Variants in SNX31 observed in about 807,000 individuals in gnomAD.
The protein encoded by SNX31 is sorting nexin 31.
A neutral mutation model predicts 65.4 loss-of-function variants in SNX31; 58 were observed. The ratio of observed to expected loss-of-function variants is 0.89; its 90% CI spans 0.72 to 1.10. The LOEUF is 1.10. Ranked by LOEUF, SNX31 falls within the 50% of genes least tolerant of loss-of-function variation. The probability of loss-of-function intolerance (pLI) is 0.00; values close to 1 mark genes in which losing one functional copy is unlikely to be tolerated. For synonymous variants in SNX31, 181 were observed against 190.1 expected, an observed-to-expected ratio of 0.95 and a Z score of 0.39; for missense variants, 523 against 529.7, an observed-to-expected ratio of 0.99 and a Z score of 0.12.
At position 100,588,820 on chromosome 8, in the gene SNX31, A is replaced by G; in HGVS notation, c.1092+46T>C. 1 of 1,417,772 alleles carries G rather than the reference A, an allele frequency of 7.1e-7. No homozygotes were observed. Among genetic ancestry groups the G allele is most frequent in the Non-Finnish European group, 1.0e-6 (1 of 1,004,368 alleles). 87.8% of individuals were successfully genotyped at this position (1,417,772 alleles called of 1,614,324 possible). ...CTTCATCCACCCCAGCAAGCAAGAC[A>G]GCATTTCAGCACAGAGGGTGTTCAA... On this transcript the variant is annotated intron_variant, in intron 11 of 13. Coordinates refer to ENST00000311812, the MANE Select transcript of SNX31 (RefSeq NM_152628.4). The surrounding 1 kb of genome is among the most constrained non-coding windows in gnomAD (Gnocchi z 4.8).
Position 100,611,983 on chromosome 8 carries a change from T to C in SNX31, c.611+17A>G, listed in dbSNP as rs763438918. 6.2e-7 allele frequency: 1 copy of C among 1,606,968 alleles called. No homozygotes were observed. Among genetic ancestry groups the C allele is most frequent in the Non-Finnish European group, 8.5e-7 (1 of 1,173,628 alleles). ...AAGTGTCGTCAAACGCCTCTGTCAC[T>C]TTCAGAACCTACTTACCACTTTCGG... is the stretch of plus-strand genomic sequence containing the variant. On this transcript the variant is annotated intron_variant, in intron 7 of 13. Coordinates refer to ENST00000311812, the MANE Select transcript of SNX31 (RefSeq NM_152628.4).
rs142568508 is a variant in SNX31 at position 100,600,431 on chromosome 8, T to C, written c.692A>G (p.Asp231Gly). ...VDLLYMQAIQ[D>G]IEKGWAKPTQ... ...GGGTTTGGCCCATCCTTTTTCAATG[T>C]CCTGTATTGCCTTAAAATAACATAA... Residue 231 changes from aspartate to glycine, a missense_variant, in exon 9 of 14, where the codon GAC becomes GGC. Asp to Gly is a moderately conservative substitution (Grantham distance 94). Transcript: ENST00000311812. 1.2e-5 allele frequency: 19 copies of C among 1,611,790 alleles called. No individual in the cohort carries two copies. The South Asian group carries it at 2.0e-4, about 17-fold the overall frequency.
At position 100,630,513 on chromosome 8, in the gene SNX31, T is replaced by C; in HGVS notation, c.257-122A>G. On this transcript the variant is annotated intron_variant, in intron 3 of 13. Transcript: ENST00000311812. This position sits in a 1 kb window ranked among gnomAD's most constrained non-coding sequence, Gnocchi z 5.3. ...GTGCTCTGTCTCCTCCCTGAAGTGA[T>C]AAATGTTGAAACCTCTCAAATACAG... The C allele has an allele frequency of 2.6e-6, 2 of 777,110 alleles. No individual in the cohort carries two copies. Among genetic ancestry groups the C allele is most frequent in the Non-Finnish European group, 4.0e-6 (2 of 495,746 alleles). The allele number at this position is 777,110 out of a possible 1,614,324, so 48.1% of individuals were successfully genotyped here. A position where few individuals can be genotyped will look rare whatever the true frequency, so the allele number is the denominator to read the frequency against.
intron 9 of SNX31, among the ~76,000 whole-genome samples, chr8:100,600,088 C>A (rs1046635639): frequency 6.6e-6 from 1 of 152,252 alleles, no homozygotes; most frequent in East Asian, 1.9e-4. Flanking sequence ...TCTGTAGTCA[C>A]TAAAAATAAT....
rs1814856476 is a variant in SNX31, at chr8:100,594,275, G to C, written c.978+2364C>G. ...GCTGAAATTGCACCACTGCACTCCA[G>C]CCTGGGCGACAGAGCAAGACTCTGT... On this transcript the variant is annotated intron_variant, in intron 10 of 13. Transcript: ENST00000311812. This position sits in a 1 kb window ranked among gnomAD's most constrained non-coding sequence, Gnocchi z 4.0. Among the ~76,000 whole-genome samples, 1 of 152,164 alleles carries C rather than the reference G, an allele frequency of 6.6e-6. No homozygotes were observed.
At chr8:100,589,168 G>T (rs1227715521) in intron 10 of SNX31, among the ~76,000 whole-genome samples, 189 bp from the exon 11 acceptor site, 1 of 152,102 alleles carries the variant, frequency 6.6e-6, no homozygotes, top group Non-Finnish European at 1.5e-5. Context: ...AGGCGTGGTG[G>T]CAGGGGCCTG....
chr8:100,630,353 C>T lies in SNX31; in HGVS notation c.295G>A (p.Val99Ile), dbSNP rs746275000. Residue 99 changes from valine to isoleucine, a missense_variant, in exon 4 of 14, where the codon GTT becomes ATT. Physicochemically the swap from Val to Ile is conservative, Grantham distance 29. Transcript: ENST00000311812. The surrounding 1 kb of genome is among the most constrained non-coding windows in gnomAD (Gnocchi z 5.3). The part of the protein sequence containing the change: ...DPNVLRSDVF[V>I]EFLKLAQLNT... ...AGCTGCGCCAGTTTTAAAAACTCAA[C>T]GAAGACATCACTTCTCAACACGTTT... The T allele has an allele frequency of 3.3e-5, 54 of 1,613,168 alleles. No homozygotes were observed. The highest frequency in any genetic ancestry group is 4.5e-5 in the East Asian group (2 of 44,868).
upstream of SNX31, among the ~76,000 whole-genome samples, chr8:100,654,060 G>C (rs554933466): frequency 2.0e-5 from 3 of 152,252 alleles, no homozygotes; most frequent in Admixed American, 1.3e-4. Context: ...GGTTGGAGTG[G>C]AGTGACATGA....
At chr8:100,653,619 C>T (rs1341269864), upstream of SNX31, among the ~76,000 whole-genome samples, 7 of 152,200 alleles carry the variant, frequency 4.6e-5, no homozygotes, top group Non-Finnish European at 7.3e-5. Flanking sequence ...AGAGAGAGCA[C>T]GGCTCTGCCG....
rs540861450 is a variant in SNX31, at chr8:100,616,872, C to T, written c.432+748G>A. Among the ~76,000 whole-genome samples the T allele has an allele frequency of 8.5e-5, 13 of 152,316 alleles. 2 individuals are homozygous for T. In the South Asian group the frequency reaches 2.7e-3, roughly 32 times the overall value. On this transcript the variant is annotated intron_variant, in intron 5 of 13. Coordinates refer to ENST00000311812, the MANE Select transcript of SNX31 (RefSeq NM_152628.4). ...TCTGTCCTTTGAAAGGTCCTAGAAA[C>T]TTTCTGACTCTTCTTCATGTTTATA...
At position 100,618,402 on chromosome 8, in the gene SNX31, G is replaced by C. The variant is rs529632094; in HGVS notation, c.322-672C>G. ...TTTTTCTGACACTAATTGTGGGTGG[G>C]GGCAGGGGGAAGGTGTTTCCATGTA... is the stretch of plus-strand genomic sequence containing the variant. On this transcript the variant is annotated intron_variant, in intron 4 of 13. Coordinates refer to ENST00000311812, the MANE Select transcript of SNX31 (RefSeq NM_152628.4). 19 of 1,374,948 alleles carry C rather than the reference G, an allele frequency of 1.4e-5. No homozygotes were observed. The South Asian group carries it at 1.9e-4, about 14-fold the overall frequency. 85.2% of individuals were successfully genotyped at this position (1,374,948 alleles called of 1,614,324 possible).
chr8:100,577,050 T>C lies in SNX31; in HGVS notation c.1196A>G (p.Lys399Arg). The change falls in exon 13 of 14, where the codon AAA becomes AGA. Residue 399 changes from lysine (K) to arginine (R), a missense_variant. Lys to Arg is a conservative substitution (Grantham distance 26). Coordinates refer to ENST00000311812, the MANE Select transcript of SNX31 (RefSeq NM_152628.4). ...EMQIEVPEQS[K>R]SKKYHIQQSQ... ...TTGTTGAATGTGGTATTTTTTACTT[T>C]TGCTTTGTTCCGGAACTTCAATCTG... 2 of 1,613,888 alleles carry C rather than the reference T, an allele frequency of 1.2e-6. No individual in the cohort carries two copies. The highest frequency in any genetic ancestry group is 1.7e-6 in the Non-Finnish European group (2 of 1,179,940).
chr8:100,586,804 T>C (rs111883678), intron 11 of SNX31, among the ~76,000 whole-genome samples: 1 of 152,240 alleles, frequency 6.6e-6, no homozygotes, highest in Admixed American at 6.5e-5. Flanking sequence ...CCATGGAACT[T>C]AGCCTGATCA....
intron 12 of SNX31, among the ~76,000 whole-genome samples, chr8:100,581,829 G>A (rs937593082): frequency 6.6e-6 from 1 of 152,166 alleles, no homozygotes; most frequent in African/African-American, 2.4e-5. Context: ...GACTTTAATC[G>A]ACTGTACTTG....
chr8:100,627,003 A>C (rs1251897853), intron 4 of SNX31, among the ~76,000 whole-genome samples: 1 of 152,214 alleles, frequency 6.6e-6, no homozygotes, highest in Non-Finnish European at 1.5e-5. Context: ...TCACAAAGGC[A>C]AAATATTAAG....
At chr8:100,638,477 C>T (rs1374989544) in intron 2 of SNX31, among the ~76,000 whole-genome samples, 1 of 152,202 alleles carries the variant, frequency 6.6e-6, no homozygotes, top group Non-Finnish European at 1.5e-5. Flanking sequence ...ATTGGTCTAA[C>T]ATCTGGAATG....
At chr8:100,611,114 T>C (rs1223997469) in intron 7 of SNX31, among the ~76,000 whole-genome samples, 2 of 152,202 alleles carry the variant, frequency 1.3e-5, no homozygotes, top group African/African-American at 4.8e-5. Context: ...CCTACCTATC[T>C]AGGAATATGG....
Position 100,588,844 on chromosome 8 carries a change from A to C in SNX31, c.1092+22T>G, listed in dbSNP as rs1162165230. 10 of 1,564,254 alleles carry C rather than the reference A, an allele frequency of 6.4e-6. No individual in the cohort carries two copies. Among genetic ancestry groups the C allele is most frequent in the Non-Finnish European group, 8.8e-6 (10 of 1,135,338 alleles). ...CAGCATTTCAGCACAGAGGGTGTTCAAGGTCTGCCCTGAGAACTCACCTGT... is the reference window on the plus strand; with the variant it reads ...CAGCATTTCAGCACAGAGGGTGTTCCAGGTCTGCCCTGAGAACTCACCTGT... On this transcript the variant is annotated intron_variant, in intron 11 of 13. Transcript: ENST00000311812. The surrounding 1 kb of genome is among the most constrained non-coding windows in gnomAD (Gnocchi z 4.8).
chr8:100,607,600 A>G (rs1816290167), intron 8 of SNX31, among the ~76,000 whole-genome samples: 1 of 152,212 alleles, frequency 6.6e-6, no homozygotes, highest in Non-Finnish European at 1.5e-5. Flanking sequence ...TGCTAGCACA[A>G]CAGGATGACT....
Sources: gnomAD v4.1 joint callset for allele counts (sites outside exome capture counted in the v4.1 genomes callset) on GRCh38, gnomAD v4.1.1 for gene constraint, Gnocchi (gnomAD v3.1) non-coding constraint, MANE v1.5 for transcripts, NCBI Gene and HGNC (gene_info 2026-07-23, HGNC 2026-07-21) for gene names.